The following AFF3 variants were observed in gnomAD, a reference collection of about 807,000 sequenced individuals.
AFF3 encodes the protein ALF transcription elongation factor 3.
Under a neutral mutation model 129.7 loss-of-function variants are expected in AFF3, and 32 were observed. The observed-to-expected ratio is 0.25, with a 90% CI of 0.19 to 0.33. The LOEUF is 0.33. AFF3 is among the 10% of genes least tolerant of loss of function. The pLI is 1.00. For synonymous variants in AFF3, 644 were observed against 635.4 expected, an observed-to-expected ratio of 1.01 and a Z score of -0.20; for missense variants, 1,373 against 1,592.0, an observed-to-expected ratio of 0.86 and a Z score of 2.34.
chr2:100,137,129 A>G (rs1003387690), intron 1 of AFF3, among the ~76,000 whole-genome samples: 70 of 152,290 alleles, frequency 4.6e-4, no homozygotes, highest in African/African-American at 1.6e-3. Flanking sequence ...ACCGCGTGGG[A>G]TCCCACATGT....
chr2:99,922,241 C>A (rs531169181), intron 7 of AFF3, among the ~76,000 whole-genome samples: 1 of 152,302 alleles, frequency 6.6e-6, no homozygotes, highest in South Asian at 2.1e-4. Context: ...CAAAAGAAAT[C>A]AAACCATGTA....
chr2:99,694,244 A>G (rs1235093210), intron 11 of AFF3, among the ~76,000 whole-genome samples: 1 of 152,090 alleles, frequency 6.6e-6, no homozygotes, highest in African/African-American at 2.4e-5. Flanking sequence ...TACATTAGAG[A>G]TAGGTGCTTT....
chr2:99,572,306 C>CA lies in AFF3; in HGVS notation c.2919-3392dup, dbSNP rs1553601073. Reference sequence around the variant, plus strand: ...CCCCCTCCCACCACCCCCCCCCCCCCACCTAGAAACACACGGTCTTGGTTC... The same window carrying CA: ...CCCCCTCCCACCACCCCCCCCCCCCCAACCTAGAAACACACGGTCTTGGTTC... On this transcript the variant is annotated intron_variant, in intron 18 of 24. Coordinates refer to ENST00000672756, the MANE Select transcript of AFF3 (RefSeq NM_001386135.1). Among the ~76,000 whole-genome samples the CA allele has an allele frequency of 1.0e-4, 13 of 128,256 alleles. No individual in the cohort carries two copies. In the South Asian group the frequency reaches 2.5e-3, roughly 25 times the overall value. 84.1% of individuals were successfully genotyped at this position (128,256 alleles called of 152,430 possible).
At chr2:99,835,899 T>C (rs1688837872) in intron 8 of AFF3, among the ~76,000 whole-genome samples, 1 of 152,116 alleles carries the variant, frequency 6.6e-6, no homozygotes. Context: ...AGGGGAGGAC[T>C]GGGGCGAGAG....
intron 7 of AFF3, among the ~76,000 whole-genome samples, chr2:99,922,374 C>T (rs1165098379): frequency 2.6e-5 from 4 of 152,152 alleles, no homozygotes; most frequent in Non-Finnish European, 4.4e-5. Flanking sequence ...TAGAAGATTA[C>T]TATTCAGCAA....
intron 10 of AFF3, 35 bp downstream of exon 10, chr2:99,744,069 C>G: frequency 6.3e-7 from 1 of 1,575,682 alleles, no homozygotes; most frequent in South Asian, 1.1e-5. Flanking sequence ...ACCCCCTGCT[C>G]CCCAGATGAA....
chr2:100,013,903 C>T (rs1682766379), intron 4 of AFF3, among the ~76,000 whole-genome samples: 1 of 152,148 alleles, frequency 6.6e-6, no homozygotes, highest in South Asian at 2.1e-4. Flanking sequence ...GCGAGGGCTA[C>T]TGATGTCACT....
At chr2:99,618,870 C>A (rs935785689) in intron 13 of AFF3, among the ~76,000 whole-genome samples, 36 of 150,984 alleles carry the variant, frequency 2.4e-4, no homozygotes, top group African/African-American at 8.6e-4. Context: ...TGCTTCAGTG[C>A]AAAGCTACAG....
At chr2:99,851,882 C>T (rs1216999287) in intron 7 of AFF3, among the ~76,000 whole-genome samples, 1 of 152,134 alleles carries the variant, frequency 6.6e-6, no homozygotes, top group Non-Finnish European at 1.5e-5. Context: ...ATGTAACCTT[C>T]AATATTAACG....
chr2:99,671,246 A>T (rs1687117983), intron 12 of AFF3, among the ~76,000 whole-genome samples: 1 of 152,212 alleles, frequency 6.6e-6, no homozygotes, highest in South Asian at 2.1e-4. Flanking sequence ...AAGAAGCCAA[A>T]ATTAGGAGTG....
At chr2:99,622,369 G>T (rs927471840) in intron 13 of AFF3, among the ~76,000 whole-genome samples, 1 of 152,200 alleles carries the variant, frequency 6.6e-6, no homozygotes, top group African/African-American at 2.4e-5. Context: ...TCAAGGGAAG[G>T]AATGTCAAAG....
At chr2:100,092,700 C>A (rs929660424) in intron 4 of AFF3, among the ~76,000 whole-genome samples, 2 of 152,088 alleles carry the variant, frequency 1.3e-5, no homozygotes, top group African/African-American at 4.8e-5. Context: ...ACCTCTTTGC[C>A]TTTCCTTACA....
chr2:99,926,173 G>T (rs13405283), intron 7 of AFF3, among the ~76,000 whole-genome samples: 1 of 152,182 alleles, frequency 6.6e-6, no homozygotes, highest in African/African-American at 2.4e-5. Context: ...CAATGAGTAC[G>T]ATACCAGAAT....
At chr2:99,599,256 T>C (rs1295460360) in intron 14 of AFF3, among the ~76,000 whole-genome samples, 1 of 152,224 alleles carries the variant, frequency 6.6e-6, no homozygotes, top group Non-Finnish European at 1.5e-5. Context: ...CTGCTCTTTT[T>C]TTCTTTCTTT....
intron 4 of AFF3, among the ~76,000 whole-genome samples, chr2:100,090,338 T>G (rs1689749216): frequency 6.6e-6 from 1 of 152,198 alleles, no homozygotes; most frequent in African/African-American, 2.4e-5. Context: ...TTTGACCAGA[T>G]GTGGCAAACA....
intron 4 of AFF3, among the ~76,000 whole-genome samples, chr2:100,103,086 T>C (rs1690867102): frequency 6.6e-6 from 1 of 152,156 alleles, no homozygotes; most frequent in South Asian, 2.1e-4. Flanking sequence ...ATAGGATCTT[T>C]TATAAGAAAC....
intron 11 of AFF3, among the ~76,000 whole-genome samples, chr2:99,699,487 T>G (rs371679828): frequency 9.2e-5 from 14 of 152,350 alleles, no homozygotes; most frequent in African/African-American, 3.4e-4. Flanking sequence ...TCTCATCTTC[T>G]GCTGTAGTTA....
At chr2:99,628,811 C>G (rs1280514885) in intron 13 of AFF3, among the ~76,000 whole-genome samples, 1 of 151,062 alleles carries the variant, frequency 6.6e-6, no homozygotes, top group Non-Finnish European at 1.5e-5. Flanking sequence ...ACCTCTGCCT[C>G]CCGTGTTCAA....
intron 4 of AFF3, among the ~76,000 whole-genome samples, chr2:100,081,965 G>C (rs536991724): frequency 2.6e-5 from 4 of 152,276 alleles, no homozygotes; most frequent in Admixed American, 2.6e-4. Context: ...ATAAAACTGA[G>C]ATGTAATCTC....
Sources: gnomAD v4.1 joint callset for allele counts (sites outside exome capture counted in the v4.1 genomes callset) on GRCh38, gnomAD v4.1.1 for gene constraint, MANE v1.5 for transcripts, NCBI Gene and HGNC (gene_info 2026-07-23, HGNC 2026-07-21) for gene names.